The following IREB2 variants were observed in gnomAD, a reference collection of about 807,000 sequenced individuals.
IREB2 encodes the protein iron-responsive element-binding protein 2.
A neutral mutation model predicts 118.8 loss-of-function variants in IREB2; 39 were observed. The observed-to-expected ratio is 0.33, with a 90% CI of 0.25 to 0.43. The LOEUF is 0.43. Ranked by LOEUF, IREB2 falls within the 20% of genes least tolerant of loss-of-function variation. The pLI is 1.00. For missense variants in IREB2, 900 were observed against 1,147.3 expected (o/e 0.78, Z 3.11); for synonymous variants, 372 against 392.2 (o/e 0.95, Z 0.61).
chr15:78,461,753 T>C (rs922969622), intron 2 of IREB2, among the ~76,000 whole-genome samples: 7 of 152,202 alleles, frequency 4.6e-5, no homozygotes, highest in Admixed American at 1.3e-4. Flanking sequence ...TTACTTTAGC[T>C]CTCATTAGCT....
chr15:78,483,039 C>T (rs77235292), intron 10 of IREB2, among the ~76,000 whole-genome samples: 2 of 151,950 alleles, frequency 1.3e-5, no homozygotes, highest in African/African-American at 2.4e-5. Flanking sequence ...GCGCCCGGCC[C>T]CAGATTTTGT....
In IREB2 at chr15:78,500,516, A is replaced by T. The variant is rs559182751; in HGVS notation, c.*2373A>T. ...TGTCTGTGTCTTCTTTGTTTACTAT[A>T]CCTTGGGTAATTTTGTGTTACCAAA... On this transcript the variant is annotated 3_prime_UTR_variant, in exon 22 of 22. Transcript: ENST00000258886. The T allele has an allele frequency of 5.6e-5, 8 of 142,934 alleles. No homozygotes were observed. The Admixed American group carries it at 5.8e-4, about 10-fold the overall frequency. 8.9% of individuals were successfully genotyped at this position (142,934 alleles called of 1,614,324 possible). A position where few individuals can be genotyped will look rare whatever the true frequency, so the allele number is the denominator to read the frequency against.
Position 78,498,235 on chromosome 15 carries a change from C to G in IREB2, c.*92C>G, listed in dbSNP as rs1468537373. 1.5e-6 allele frequency: 1 copy of G among 678,382 alleles called. No individual in the cohort carries two copies. Among genetic ancestry groups the G allele is most frequent in the Non-Finnish European group, 2.7e-6 (1 of 374,048 alleles). 42.0% of individuals were successfully genotyped at this position (678,382 alleles called of 1,614,324 possible). On this transcript the variant is annotated 3_prime_UTR_variant, in exon 22 of 22. Transcript: ENST00000258886. ...TCCTTACCATGGAGCAGCAGATAGT[C>G]CCAGTATACTCACTTATCTCATCCA...
At chr15:78,495,521 CATT>C (rs1816505643) in intron 20 of IREB2, among the ~76,000 whole-genome samples, 4 of 152,088 alleles carry the variant, frequency 2.6e-5, no homozygotes, top group Admixed American at 2.6e-4. Context: ...TTCTATATGT[CATT>C]ATCTGTATTT....
chr15:78,458,242 A>C (rs548428855), intron 2 of IREB2, among the ~76,000 whole-genome samples: 3 of 152,320 alleles, frequency 2.0e-5, no homozygotes, highest in African/African-American at 7.2e-5. Context: ...ACATGAAAGT[A>C]GGGAAATACA....
intron 2 of IREB2, among the ~76,000 whole-genome samples, chr15:78,452,274 A>G (rs1595987784): frequency 1.3e-5 from 2 of 152,264 alleles, no homozygotes; most frequent in South Asian, 4.1e-4. Flanking sequence ...TGAGGTGATG[A>G]TAAGGGGAAG....
At chr15:78,470,175 G>T (rs898444508) in intron 5 of IREB2, among the ~76,000 whole-genome samples, 8 of 152,206 alleles carry the variant, frequency 5.3e-5, no homozygotes, top group South Asian at 2.1e-4. Context: ...ACAAGAGCCA[G>T]GTGGGGAGGA....
intron 2 of IREB2, among the ~76,000 whole-genome samples, chr15:78,460,631 G>T (rs914634211): frequency 6.6e-6 from 1 of 152,150 alleles, no homozygotes; most frequent in East Asian, 1.9e-4. Context: ...GTTCTGTTGT[G>T]TGTGTTTAGG....
chr15:78,482,266 A>T (rs2141508658), intron 10 of IREB2, among the ~76,000 whole-genome samples: 1 of 152,264 alleles, frequency 6.6e-6, no homozygotes, highest in Admixed American at 6.5e-5. Context: ...AATACAGTGT[A>T]AGTAGTTGGA....
chr15:78,448,369 T>C lies in IREB2; in HGVS notation c.106+8488T>C, dbSNP rs140843495. On this transcript the variant is annotated intron_variant, in intron 2 of 21. Transcript: ENST00000258886. ...CATGTTGGCCAGGCTGGTCTCGAGC[T>C]CCTGGCCTCATGTGATCTCCCTGCC... is the stretch of plus-strand genomic sequence containing the variant. 6.5e-3 allele frequency among the ~76,000 whole-genome samples: 996 copies of C among 152,270 alleles called. 72 individuals are homozygous for C. The East Asian group carries it at 0.17, about 27-fold the overall frequency.
chr15:78,439,524 C>T (rs1038107040), intron 1 of IREB2, among the ~76,000 whole-genome samples: 1 of 152,150 alleles, frequency 6.6e-6, no homozygotes, highest in Admixed American at 6.5e-5. Flanking sequence ...TGGTTTAGAA[C>T]TATGCTTTCC....
At chr15:78,477,964 A>G (rs2051499934) in intron 9 of IREB2, among the ~76,000 whole-genome samples, 1 of 151,954 alleles carries the variant, frequency 6.6e-6, no homozygotes, top group South Asian at 2.1e-4. Flanking sequence ...GCTCATACCC[A>G]TAATTCCAGC....
chr15:78,465,360 C>T lies in IREB2; in HGVS notation c.382C>T (p.His128Tyr), dbSNP rs1284744240. ...TTGTCCGACAGATCTTACAGTTGAC[C>T]ATTCTTTACAAATTGACTTCAGTAA... The part of the protein sequence containing the change: ...PACPTDLTVD[H>Y]SLQIDFSKCA... The change falls in exon 4 of 22, where the codon CAT becomes TAT. Residue 128 changes from histidine to tyrosine, a missense_variant. His to Tyr is a moderately conservative substitution (Grantham distance 83, BLOSUM62 2). Coordinates refer to ENST00000258886, the MANE Select transcript of IREB2 (RefSeq NM_004136.4). 1.9e-6 allele frequency: 3 copies of T among 1,612,380 alleles called. No individual in the cohort carries two copies. The highest frequency in any genetic ancestry group is 2.5e-6 in the Non-Finnish European group (3 of 1,179,452).
chr15:78,484,007 A>T lies in IREB2; in HGVS notation c.1413+573A>T, dbSNP rs183258073. Among the ~76,000 whole-genome samples, 173 of 151,658 alleles carry T rather than the reference A, an allele frequency of 1.1e-3. 1 individual carries two copies. The highest frequency in any genetic ancestry group is 4.0e-3 in the African/African-American group (167 of 41,320). On this transcript the variant is annotated intron_variant, in intron 11 of 21. Transcript: ENST00000258886. ...ACCATGTTGGCCAGACTGGTCTTCA[A>T]CTCCTGACCTCAAGTGATCTGCCCA... is the stretch of plus-strand genomic sequence containing the variant.
chr15:78,461,949 G>A (rs540468164), intron 2 of IREB2, among the ~76,000 whole-genome samples: 7 of 152,182 alleles, frequency 4.6e-5, no homozygotes, highest in African/African-American at 7.2e-5. Context: ...TGGAAATACC[G>A]TGTGAGATAT....
chr15:78,466,179 C>G (rs761233138), intron 4 of IREB2, 92 bp from the exon 5 acceptor site: 20 of 729,646 alleles, frequency 2.7e-5, no homozygotes, highest in Non-Finnish European at 4.5e-5. Context: ...TCAGTTACTT[C>G]CAGATAGCGT....
intron 2 of IREB2, 152 bp downstream of exon 2, chr15:78,440,033 G>A (rs2050820939): frequency 1.8e-6 from 1 of 555,774 alleles, no homozygotes. Flanking sequence ...ACTCCTCCTG[G>A]GACAACTTCT....
chr15:78,469,627 G>A (rs1384765594), intron 5 of IREB2, among the ~76,000 whole-genome samples: 1 of 152,084 alleles, frequency 6.6e-6, no homozygotes, highest in Non-Finnish European at 1.5e-5. Flanking sequence ...GGGGGCTGAG[G>A]TAGGAGAATC....
chr15:78,491,230 A>G (rs1951520893), intron 18 of IREB2, among the ~76,000 whole-genome samples: 1 of 152,194 alleles, frequency 6.6e-6, no homozygotes, highest in Admixed American at 6.5e-5. Flanking sequence ...TTTCTGCTTC[A>G]TGAGCCTAAA....
Sources: allele counts gnomAD v4.1 joint callset (sites outside exome capture counted in the v4.1 genomes callset), GRCh38; gene constraint gnomAD v4.1.1; transcripts MANE v1.5; gene names NCBI Gene and HGNC (gene_info 2026-07-23, HGNC 2026-07-21).